DUOX1: variants seen among roughly 807,000 people sequenced by gnomAD.
The protein encoded by DUOX1 is dual oxidase 1.
A neutral mutation model predicts 181.8 loss-of-function variants in DUOX1; 134 were observed. That is an observed-to-expected ratio of 0.74 (90% CI 0.64 to 0.85). The LOEUF is 0.85. Ranked by LOEUF, DUOX1 falls within the 40% of genes least tolerant of loss-of-function variation. The pLI, the probability that DUOX1 is intolerant of heterozygous loss-of-function variation, is 0.00. For missense variants in DUOX1, 1,814 were observed against 2,064.4 expected (o/e 0.88, Z 2.35); for synonymous variants, 798 against 832.5 (o/e 0.96, Z 0.71).
Position 45,142,012 on chromosome 15 carries a change from A to G in DUOX1, c.1722A>G (p.Glu574=), listed in dbSNP as rs1459659293. 2 of 1,613,562 alleles carry G rather than the reference A, an allele frequency of 1.2e-6. No individual in the cohort carries two copies. The highest frequency in any genetic ancestry group is 1.7e-6 in the Non-Finnish European group (2 of 1,179,996). The change falls in exon 15 of 34, where the codon GAA becomes GAG. Residue 574 remains glutamate, a synonymous_variant. Coordinates refer to ENST00000389037, the MANE Select transcript of DUOX1 (RefSeq NM_175940.3). ...CGCAGCCGAGACAGCTCAGCACTGA[A>G]GGCCTGCCAGCGTGTGCTCCCTCTG... ...PCPQPRQLST[E]GLPACAPSVV... is the part of the protein sequence containing the mutation.
chr15:45,149,588 C>T (rs1896753810), intron 21 of DUOX1, among the ~76,000 whole-genome samples: 1 of 152,166 alleles, frequency 6.6e-6, no homozygotes, highest in South Asian at 2.1e-4. Flanking sequence ...ATAGCTCATG[C>T]CTGTAATCCC....
rs948435126 is a variant in DUOX1, at chr15:45,160,120, C to G, written c.3703-717C>G. On this transcript the variant is annotated intron_variant, in intron 28 of 33. Coordinates refer to ENST00000389037, the MANE Select transcript of DUOX1 (RefSeq NM_175940.3). The stretch of plus-strand genomic sequence containing the variant: ...TGAGCTAAGATCATGCCATTGCACT[C>G]CAGCCTGGGTGACAGAATGAGACTC... Among the ~76,000 whole-genome samples the G allele has an allele frequency of 3.3e-5, 5 of 152,290 alleles. No homozygotes were observed. In the South Asian group the frequency reaches 6.2e-4, roughly 19 times the overall value.
intron 22 of DUOX1, 122 bp downstream of exon 22, chr15:45,150,823 A>T: frequency 1.1e-6 from 1 of 949,808 alleles, no homozygotes; most frequent in Non-Finnish European, 1.6e-6. Flanking sequence ...TTAGAAAAGG[A>T]CACCCCTTTC....
intron 17 of DUOX1, among the ~76,000 whole-genome samples, chr15:45,144,524 T>C (rs1896597936): frequency 6.6e-6 from 1 of 152,230 alleles, no homozygotes; most frequent in Non-Finnish European, 1.5e-5. Flanking sequence ...CTGGGTGTCC[T>C]TGGAAGAAGC....
chr15:45,163,998 G>A (rs1199721921), intron 33 of DUOX1, 80 bp downstream of exon 33: 32 of 1,547,364 alleles, frequency 2.1e-5, no homozygotes, highest in Non-Finnish European at 2.6e-6. Context: ...TCCCCATCGA[G>A]GAAGAAATCG....
chr15:45,155,651 C>T (rs1458096649), intron 27 of DUOX1, 151 bp from the exon 28 acceptor site: 1 of 948,938 alleles, frequency 1.1e-6, no homozygotes, highest in African/African-American at 1.6e-5. Flanking sequence ...TACCTGTGAT[C>T]AGTGGTGTTG....
In DUOX1 at chr15:45,152,500, C is replaced by T. The variant is rs774750185; in HGVS notation, c.3408C>T (p.Thr1136=). The T allele has an allele frequency of 1.8e-5, 29 of 1,613,988 alleles. No individual in the cohort carries two copies. In the African/African-American group the frequency reaches 3.2e-4, roughly 18 times the overall value. ...ACTTCCATCGCCTCATTGCCTCCAC[C>T]GCCATCGTCCTCACAGGCAGGGCCT... ...AVDFHRLIAS[T]AIVLTVLHSV... Residue 1136 remains threonine, a synonymous_variant, in exon 25 of 34, where the codon ACC becomes ACT. Transcript: ENST00000389037.
chr15:45,141,084 G>A lies in DUOX1; in HGVS notation c.1565+14G>A, dbSNP rs1425077003. On this transcript the variant is annotated intron_variant, in intron 13 of 33. Transcript: ENST00000389037. ...CACCAGGAATGGGTAAGGCGTGCTGGGCCTCCGCCTCAGGCTCTACCTCGG... is the reference window on the plus strand; with the variant it reads ...CACCAGGAATGGGTAAGGCGTGCTGAGCCTCCGCCTCAGGCTCTACCTCGG... The A allele has an allele frequency of 6.2e-7, 1 of 1,614,038 alleles. No individual in the cohort carries two copies. Among genetic ancestry groups the A allele is most frequent in the Non-Finnish European group, 8.5e-7 (1 of 1,179,998 alleles).
intron 30 of DUOX1, 29 bp from the exon 31 acceptor site, chr15:45,162,190 T>G (rs779017917): frequency 6.3e-7 from 1 of 1,587,882 alleles, no homozygotes; most frequent in Non-Finnish European, 8.6e-7. Flanking sequence ...GTGGCCAAGC[T>G]TAACTGAAAC....
In DUOX1 at chr15:45,152,454, T is replaced by A. The variant is rs751287167; in HGVS notation, c.3362T>A (p.Val1121Glu). The A allele has an allele frequency of 6.2e-7, 1 of 1,614,182 alleles. No homozygotes were observed. The highest frequency in any genetic ancestry group is 1.1e-5 in the South Asian group (1 of 91,086). The change falls in exon 25 of 34, where the codon GTG (valine) becomes GAG (glutamate). Residue 1121 changes from valine to glutamate, a missense_variant. Physicochemically the swap from Val to Glu is moderately radical, Grantham distance 121. This residue lies in a region of DUOX1 where 1,064 missense variants were observed against 1,152.9 expected (regional missense o/e 0.92). Coordinates refer to ENST00000389037, the MANE Select transcript of DUOX1 (RefSeq NM_175940.3). Reference protein sequence around the residue: ...FLRETFLNRYVPFDAAVDFHR... With the variant: ...FLRETFLNRYEPFDAAVDFHR... Reference sequence around the variant, plus strand: ...CGAGAAACCTTCCTCAACCGCTACGTGCCCTTCGACGCCGCCGTGGACTTC... The same window carrying A: ...CGAGAAACCTTCCTCAACCGCTACGAGCCCTTCGACGCCGCCGTGGACTTC...
Position 45,144,057 on chromosome 15 carries a change from A to G in DUOX1, c.1958A>G (p.Lys653Arg), listed in dbSNP as rs1896578672. 9.3e-6 allele frequency: 15 copies of G among 1,613,866 alleles called. No homozygotes were observed. Among genetic ancestry groups the G allele is most frequent in the Admixed American group, 1.7e-5 (1 of 60,008 alleles). The part of the protein sequence containing the change: ...GMEALEWQGH[K>R]EPCRPVLVYL... ...CTAGCTTTGGAATGGCAAGGCCACA[A>G]GGAGCCCTGCCGGCCCGTGCTTGTG... Residue 653 changes from lysine to arginine, a missense_variant, in exon 17 of 34, where the codon AAG becomes AGG. Coordinates refer to ENST00000389037, the MANE Select transcript of DUOX1 (RefSeq NM_175940.3).
chr15:45,142,360 G>A (rs562879176), intron 15 of DUOX1, among the ~76,000 whole-genome samples: 6 of 152,176 alleles, frequency 3.9e-5, no homozygotes, highest in Non-Finnish European at 7.3e-5. Flanking sequence ...CAGGAGCCAG[G>A]GGGAATCTAT....
rs374710704 is a variant in DUOX1, at chr15:45,163,707, G to A, written c.4404+20G>A. The A allele has an allele frequency of 1.5e-5, 24 of 1,613,930 alleles. No homozygotes were observed. The highest frequency in any genetic ancestry group is 2.0e-5 in the Non-Finnish European group (24 of 1,179,938). ...ATGCTGGTATGTCAGGGCCCACCAG[G>A]AGGGTATGCGGGCCACTGTCTGAGC... is the stretch of plus-strand genomic sequence containing the variant. On this transcript the variant is annotated intron_variant, in intron 32 of 33. Transcript: ENST00000389037.
chr15:45,147,812 G>A (rs1231045258), intron 19 of DUOX1, 92 bp from the exon 20 acceptor site: 2 of 1,507,748 alleles, frequency 1.3e-6, no homozygotes, highest in African/African-American at 1.4e-5. Flanking sequence ...TCCAGAAGTG[G>A]GTCATCACAC....
chr15:45,141,531 T>A, intron 14 of DUOX1, 121 bp downstream of exon 14: 1 of 1,150,254 alleles, frequency 8.7e-7, no homozygotes, highest in Non-Finnish European at 1.3e-6. Flanking sequence ...GAGTGAGCTG[T>A]GGTTCTGCCC....
At chr15:45,151,805 G>A (rs1281760910) in intron 23 of DUOX1, 69 bp from the exon 24 acceptor site, 4 of 1,518,382 alleles carry the variant, frequency 2.6e-6, no homozygotes, top group African/African-American at 1.4e-5. Context: ...GCTCACCTCC[G>A]TGAAGTGGGG....
At position 45,150,374 on chromosome 15, in the gene DUOX1, T is replaced by C. The variant is rs896393453; in HGVS notation, c.2819-258T>C. The C allele has an allele frequency of 2.0e-5, 10 of 505,318 alleles. No homozygotes were observed. In the Admixed American group the frequency reaches 2.4e-4, roughly 12 times the overall value. 31.3% of individuals were successfully genotyped at this position (505,318 alleles called of 1,614,324 possible). Reference sequence around the variant, plus strand: ...GAAATCTACCCCATAGTCCCAGAAGTGGGACTGATGATGGACACACTTTAG... The same window carrying C: ...GAAATCTACCCCATAGTCCCAGAAGCGGGACTGATGATGGACACACTTTAG... On this transcript the variant is annotated intron_variant, in intron 21 of 33. Transcript: ENST00000389037.
chr15:45,133,727 C>A, intron 2 of DUOX1, 137 bp from the exon 3 acceptor site: 2 of 730,784 alleles, frequency 2.7e-6, no homozygotes, highest in Non-Finnish European at 4.7e-6. Flanking sequence ...CCTCTGCACC[C>A]TACCTCTCAC....
At position 45,144,246 on chromosome 15, in the gene DUOX1, G is replaced by A. The variant is rs771857718; in HGVS notation, c.2136+11G>A. ...AAGGAGTATGACCTGGTATGGCTCA[G>A]CTGGCATCTGGCTCCTTGTCCACAG... On this transcript the variant is annotated intron_variant, in intron 17 of 33. Transcript: ENST00000389037. The A allele has an allele frequency of 2.5e-6, 4 of 1,613,600 alleles. 1 individual carries two copies. In the South Asian group the frequency reaches 4.4e-5, roughly 18 times the overall value.
Sources: allele counts gnomAD v4.1 joint callset (sites outside exome capture counted in the v4.1 genomes callset), GRCh38; gene constraint gnomAD v4.1.1; regional missense constraint gnomAD v4.1.1; transcripts MANE v1.5; gene names NCBI Gene and HGNC (gene_info 2026-07-23, HGNC 2026-07-21).